PPP1CB: variants seen among roughly 807,000 people sequenced by gnomAD.
The protein encoded by PPP1CB is serine/threonine-protein phosphatase PP1-beta catalytic subunit.
In PPP1CB, 2 loss-of-function variants were observed where a neutral mutation model predicts 43.7. The ratio of observed to expected loss-of-function variants is 0.05; its 90% CI spans 0.02 to 0.14. The LOEUF (loss-of-function observed/expected upper bound fraction) is 0.14. Ranked by LOEUF, PPP1CB falls within the 10% of genes least tolerant of loss-of-function variation. The pLI is 1.00. For synonymous variants in PPP1CB, 136 were observed against 135.6 expected (o/e 1.00, Z -0.02); for missense variants, 84 against 398.0 (o/e 0.21, Z 6.71).
intron 2 of PPP1CB, chr2:28,778,480 G>T (rs1188841732): frequency 4.1e-6 from 2 of 486,076 alleles, no homozygotes; most frequent in Admixed American, 2.4e-5. Context: ...TAGACTGATG[G>T]ACTAAGAGCC....
At position 28,801,929 on chromosome 2, in the gene PPP1CB, TCAG is replaced by T. The variant is rs1667626654; in HGVS notation, c.*2629_*2631del. The T allele has an allele frequency of 6.6e-6, 1 of 152,218 alleles. No individual in the cohort carries two copies. Among genetic ancestry groups the T allele is most frequent in the Non-Finnish European group, 1.5e-5 (1 of 68,028 alleles). 9.4% of individuals were successfully genotyped at this position (152,218 alleles called of 1,614,324 possible). On this transcript the variant is annotated 3_prime_UTR_variant, in exon 8 of 8. Transcript: ENST00000395366. ...TTTGCCCAGGGACAAATTTTAATAA[TCAG>T]CAAGACTGGTTTGTGCAAAGCGTTG... is the stretch of plus-strand genomic sequence containing the variant.
At chr2:28,773,520 G>A (rs894762836) in intron 1 of PPP1CB, among the ~76,000 whole-genome samples, 2 of 152,210 alleles carry the variant, frequency 1.3e-5, no homozygotes, top group Non-Finnish European at 2.9e-5. Context: ...AATGATTGAT[G>A]TGAAGGTGCT....
At chr2:28,779,180 G>A (rs1667097993) in intron 3 of PPP1CB, 141 bp downstream of exon 3, 1 of 595,898 alleles carries the variant, frequency 1.7e-6, no homozygotes, top group Non-Finnish European at 2.9e-6. Flanking sequence ...ACCTGAAACT[G>A]GGAAACATGT....
intron 1 of PPP1CB, among the ~76,000 whole-genome samples, chr2:28,762,893 A>G (rs1158129920): frequency 2.0e-5 from 3 of 152,222 alleles, no homozygotes; most frequent in Non-Finnish European, 4.4e-5. Flanking sequence ...TGTCAGATTC[A>G]TGGTGCTGAT....
At chr2:28,773,986 G>A (rs1269664276) in intron 1 of PPP1CB, among the ~76,000 whole-genome samples, 6 of 152,194 alleles carry the variant, frequency 3.9e-5, no homozygotes, top group African/African-American at 1.4e-4. Context: ...TTAGTTAAGG[G>A]AGAAATGTGC....
chr2:28,773,703 A>T (rs1225865448), intron 1 of PPP1CB, among the ~76,000 whole-genome samples: 1 of 152,292 alleles, frequency 6.6e-6, no homozygotes, highest in East Asian at 1.9e-4. Flanking sequence ...TACATAAAGG[A>T]GCAGGACTTT....
chr2:28,784,935 GAAAA>G (rs1667230199), intron 5 of PPP1CB, among the ~76,000 whole-genome samples: 1 of 86,724 alleles, frequency 1.2e-5, no homozygotes, highest in Admixed American at 1.3e-4. Flanking sequence ...AAAAAAAAAA[GAAAA>G]AAGAAACAAC....
chr2:28,780,500 A>G (rs1226648052), intron 3 of PPP1CB, among the ~76,000 whole-genome samples: 1 of 152,206 alleles, frequency 6.6e-6, no homozygotes. Flanking sequence ...AGCAGAGAGA[A>G]AGTGGGTTGG....
chr2:28,789,031 A>G (rs547695869), intron 6 of PPP1CB, among the ~76,000 whole-genome samples: 2 of 151,928 alleles, frequency 1.3e-5, no homozygotes, highest in Non-Finnish European at 2.9e-5. Context: ...ACTCTTAAAC[A>G]TTTATTATTT....
chr2:28,753,321 C>T (rs191788582), intron 1 of PPP1CB, among the ~76,000 whole-genome samples: 44 of 152,294 alleles, frequency 2.9e-4, no homozygotes, highest in African/African-American at 8.2e-4. Flanking sequence ...GGAAAATCAT[C>T]AAAGAATATT....
At chr2:28,784,007 T>G in intron 5 of PPP1CB, 29 bp downstream of exon 5, 1 of 1,515,022 alleles carries the variant, frequency 6.6e-7, no homozygotes, top group Non-Finnish European at 9.2e-7. Flanking sequence ...TTAATTGTTT[T>G]GTGTAAAGTG....
At chr2:28,767,489 G>A (rs1026029904) in intron 1 of PPP1CB, among the ~76,000 whole-genome samples, 14 of 152,112 alleles carry the variant, frequency 9.2e-5, no homozygotes, top group African/African-American at 3.4e-4. Flanking sequence ...GACATGATGA[G>A]TATGCACTGG....
At chr2:28,752,292 T>G in intron 1 of PPP1CB, 116 bp downstream of exon 1, 4 of 1,001,918 alleles carry the variant, frequency 4.0e-6, no homozygotes, top group Non-Finnish European at 5.6e-6. Context: ...GACGAGTCTC[T>G]GGGAGCGCGG....
rs541868886 is a variant in PPP1CB at position 28,751,929 on chromosome 2, G to C, written c.-196G>C. 8.0e-5 allele frequency: 51 copies of C among 637,804 alleles called. No homozygotes were observed. The African/African-American group carries it at 8.1e-4, about 10-fold the overall frequency. The allele number at this position is 637,804 out of a possible 1,614,324, so 39.5% of individuals were successfully genotyped here. A position where few individuals can be genotyped will look rare whatever the true frequency, so the allele number is the denominator to read the frequency against. On this transcript the variant is annotated 5_prime_UTR_variant, in exon 1 of 8. Coordinates refer to ENST00000395366, the MANE Select transcript of PPP1CB (RefSeq NM_002709.3). ...TTGTTTATTTATTTATTTTCCGTGGGTGCCTCCGAGTGTGCGCGCGCTCTC... is the reference window on the plus strand; with the variant it reads ...TTGTTTATTTATTTATTTTCCGTGGCTGCCTCCGAGTGTGCGCGCGCTCTC...
rs58673755 is a variant in PPP1CB, at chr2:28,771,040, T to TCCCC, written c.53-5803_53-5800dup. ...CTAGACTTACCTACTTATTCCCTGC[T>TCCCC]CCCCCCCCCCCACCCTTTTTTTTTT... On this transcript the variant is annotated intron_variant, in intron 1 of 7. Coordinates refer to ENST00000395366, the MANE Select transcript of PPP1CB (RefSeq NM_002709.3). Among the ~76,000 whole-genome samples, 284 of 69,988 alleles carry TCCCC rather than the reference T, an allele frequency of 4.1e-3. 1 individual carries two copies. The highest frequency in any genetic ancestry group is 9.3e-3 in the East Asian group (15 of 1,612). 45.9% of individuals were successfully genotyped at this position (69,988 alleles called of 152,430 possible). A position where few individuals can be genotyped will look rare whatever the true frequency, so the allele number is the denominator to read the frequency against.
rs1165668406 is a variant in PPP1CB, at chr2:28,800,694, TTGAC to T, written c.*1394_*1397del. The T allele has an allele frequency of 6.6e-6, 1 of 152,516 alleles. No individual in the cohort carries two copies. The highest frequency in any genetic ancestry group is 1.5e-5 in the Non-Finnish European group (1 of 67,926). The allele number at this position is 152,516 out of a possible 1,614,324, so 9.4% of individuals were successfully genotyped here. On this transcript the variant is annotated 3_prime_UTR_variant, in exon 8 of 8. Transcript: ENST00000395366. ...TTACAGGACACAGATTTGTGATTCT[TTGAC>T]TGTGACACTATTGGATGTGATTCTA...
intron 7 of PPP1CB, among the ~76,000 whole-genome samples, chr2:28,794,706 T>C (rs1667459875): frequency 6.6e-6 from 1 of 151,998 alleles, no homozygotes; most frequent in African/African-American, 2.4e-5. Flanking sequence ...AAAAATAGTT[T>C]CCTGAGGAAA....
At chr2:28,781,881 TCTA>T (rs1667163073) in intron 4 of PPP1CB, 39 bp downstream of exon 4, 1 of 1,423,016 alleles carries the variant, frequency 7.0e-7, no homozygotes, top group African/African-American at 1.4e-5. Context: ...TTTTTTTTCT[TCTA>T]TTATTCGGAA....
intron 3 of PPP1CB, among the ~76,000 whole-genome samples, chr2:28,780,373 G>A (rs1242049169): frequency 6.6e-6 from 1 of 152,148 alleles, no homozygotes; most frequent in Admixed American, 6.5e-5. Context: ...TTACAGGTGT[G>A]AGCCACGGCG....
Sources: gnomAD v4.1 joint callset for allele counts (sites outside exome capture counted in the v4.1 genomes callset) on GRCh38, gnomAD v4.1.1 for gene constraint, MANE v1.5 for transcripts, NCBI Gene and HGNC (gene_info 2026-07-23, HGNC 2026-07-21) for gene names.